Variants in AKR1C8 observed in about 807,000 individuals in gnomAD.
AKR1C8 encodes aldo-keto reductase family 1 member C-like protein 1.
chr10:5,136,648 G>A, the AKR1C8 span, among the ~76,000 whole-genome samples: 2 of 152,170 alleles, frequency 1.3e-5, no homozygotes. Context: ...TGTTTCATAA[G>A]TGTACATTAA....
the AKR1C8 span, among the ~76,000 whole-genome samples, chr10:5,175,528 C>G: frequency 1.3e-5 from 2 of 152,168 alleles, no homozygotes; most frequent in Non-Finnish European, 2.9e-5. Context: ...ATTTCTAGTT[C>G]TAGATCCCTG....
chr10:5,164,551 C>A, the AKR1C8 span, among the ~76,000 whole-genome samples: 1 of 152,072 alleles, frequency 6.6e-6, no homozygotes, highest in Non-Finnish European at 1.5e-5. Context: ...TCTTTACTTT[C>A]ATTTCAGATA....
chr10:5,157,650 G>A, the AKR1C8 span: 1 of 472,068 alleles, frequency 2.1e-6, no homozygotes. Flanking sequence ...AGTTCTCTTT[G>A]ATTCTCTCCT....
At chr10:5,145,191 C>T in the AKR1C8 span, among the ~76,000 whole-genome samples, 1 of 151,986 alleles carries the variant, frequency 6.6e-6, no homozygotes, top group Non-Finnish European at 1.5e-5. Context: ...TTGCATATAT[C>T]AATTCAAGAT....
chr10:5,170,689 G>A, the AKR1C8 span, among the ~76,000 whole-genome samples: 8 of 151,992 alleles, frequency 5.3e-5, no homozygotes, highest in Non-Finnish European at 1.2e-4. Context: ...CAAAATATGA[G>A]GTTAGTTTTC....
At chr10:5,122,872 G>A in the AKR1C8 span, among the ~76,000 whole-genome samples, 95 of 151,974 alleles carry the variant, frequency 6.3e-4, 1 homozygote, top group South Asian at 0.019. Context: ...ACTTTAACAG[G>A]TACTACTATA....
At chr10:5,145,142 T>G in the AKR1C8 span, among the ~76,000 whole-genome samples, 1 of 152,130 alleles carries the variant, frequency 6.6e-6, no homozygotes, top group Admixed American at 6.6e-5. Flanking sequence ...GTGGTTTTTG[T>G]CTTTGGCTCT....
the AKR1C8 span, among the ~76,000 whole-genome samples, chr10:5,172,308 C>G: frequency 6.6e-6 from 1 of 152,032 alleles, no homozygotes; most frequent in Admixed American, 6.6e-5. Context: ...ACATTCCTTT[C>G]TTTAAACAAC....
chr10:5,145,998 C>CGTA, the AKR1C8 span, among the ~76,000 whole-genome samples: 1 of 151,886 alleles, frequency 6.6e-6, no homozygotes, highest in Non-Finnish European at 1.5e-5. Flanking sequence ...CACATATACA[C>CGTA]CATGGAATAC....
At chr10:5,125,781 G>C in the AKR1C8 span, among the ~76,000 whole-genome samples, 3 of 152,162 alleles carry the variant, frequency 2.0e-5, no homozygotes, top group Admixed American at 2.0e-4. Flanking sequence ...CATGAGAGCT[G>C]GTGCTGGTAC....
chr10:5,140,148 C>T, the AKR1C8 span, among the ~76,000 whole-genome samples: 1 of 152,132 alleles, frequency 6.6e-6, no homozygotes, highest in Non-Finnish European at 1.5e-5. Flanking sequence ...CAGGAAACAA[C>T]AGATGCTGGA....
chr10:5,147,158 G>A, the AKR1C8 span, among the ~76,000 whole-genome samples: 4 of 152,076 alleles, frequency 2.6e-5, no homozygotes, highest in Non-Finnish European at 2.9e-5. Flanking sequence ...GCAATAGAAG[G>A]CGAGTAAGGT....
At chr10:5,137,783 C>G in the AKR1C8 span, among the ~76,000 whole-genome samples, 7 of 152,072 alleles carry the variant, frequency 4.6e-5, no homozygotes, top group African/African-American at 1.4e-4. Context: ...TACAACTGGG[C>G]CGCCAGGGGT....
chr10:5,132,877 A>G, the AKR1C8 span: 1 of 479,486 alleles, frequency 2.1e-6, no homozygotes, highest in South Asian at 2.6e-5. Context: ...ATCTTGGGTT[A>G]GTTCTATATA....
chr10:5,136,000 G>A, the AKR1C8 span, among the ~76,000 whole-genome samples: 2 of 152,100 alleles, frequency 1.3e-5, no homozygotes, highest in Non-Finnish European at 2.9e-5. Flanking sequence ...GTTTATTGGA[G>A]TATTAATTAA....
the AKR1C8 span, among the ~76,000 whole-genome samples, chr10:5,116,547 C>T: frequency 5.3e-5 from 8 of 152,116 alleles, no homozygotes; most frequent in Non-Finnish European, 8.8e-5. Flanking sequence ...GAGAACTTTG[C>T]CCCATCCCTG....
chr10:5,170,455 G>A, the AKR1C8 span, among the ~76,000 whole-genome samples: 5 of 151,956 alleles, frequency 3.3e-5, 1 homozygote, highest in Non-Finnish European at 7.4e-5. Flanking sequence ...TTATTACATA[G>A]GCCTTTTAAA....
At chr10:5,142,228 A>T in the AKR1C8 span, among the ~76,000 whole-genome samples, 2 of 152,120 alleles carry the variant, frequency 1.3e-5, no homozygotes, top group Non-Finnish European at 2.9e-5. Context: ...GAAGAGAGTT[A>T]AGGTCTTCTT....
the AKR1C8 span, among the ~76,000 whole-genome samples, chr10:5,183,693 G>C: frequency 6.6e-6 from 1 of 152,038 alleles, no homozygotes; most frequent in African/African-American, 2.4e-5. Flanking sequence ...GTAAAAATGA[G>C]AGAAAAAACT....
Sources: gnomAD v4.1 joint callset for allele counts (sites outside exome capture counted in the v4.1 genomes callset) on GRCh38, gnomAD v4.1.1 for gene constraint, MANE v1.5 for transcripts, NCBI Gene and HGNC (gene_info 2026-07-23, HGNC 2026-07-21) for gene names.